CDC42BPA: variants seen among roughly 807,000 people sequenced by gnomAD.
The protein encoded by CDC42BPA is CDC42 binding protein kinase alpha.
A neutral mutation model predicts 223.5 loss-of-function variants in CDC42BPA; 80 were observed. The ratio of observed to expected loss-of-function variants is 0.36; its 90% confidence interval spans 0.30 to 0.43. CDC42BPA has a LOEUF of 0.43. CDC42BPA is among the 20% of genes least tolerant of loss of function. The pLI is 1.00. For missense variants in CDC42BPA, 1,743 were observed against 2,099.9 expected (o/e 0.83, Z 3.32); for synonymous variants, 694 against 718.6 (o/e 0.97, Z 0.55).
intron 34 of CDC42BPA, among the ~76,000 whole-genome samples, chr1:227,006,276 A>C (rs1218368058): frequency 1.3e-5 from 2 of 152,112 alleles, no homozygotes; most frequent in African/African-American, 2.4e-5. Context: ...AATGATGGTA[A>C]TCTTACTAGC....
At chr1:226,999,234 T>A (rs1276520125) in intron 35 of CDC42BPA, among the ~76,000 whole-genome samples, 1 of 151,562 alleles carries the variant, frequency 6.6e-6, no homozygotes, top group Non-Finnish European at 1.5e-5. Context: ...TGGAGTGCAG[T>A]GGCGTGATCT....
intron 32 of CDC42BPA, among the ~76,000 whole-genome samples, chr1:227,018,017 A>G (rs1228614954): frequency 7.4e-6 from 1 of 135,454 alleles, no homozygotes; most frequent in Admixed American, 8.4e-5. Flanking sequence ...CTAACAGTAA[A>G]TATTTTAAAA....
chr1:227,215,710 C>T (rs1190178284), intron 2 of CDC42BPA, among the ~76,000 whole-genome samples: 3 of 152,200 alleles, frequency 2.0e-5, no homozygotes, highest in African/African-American at 7.2e-5. Flanking sequence ...TCACTGCCAA[C>T]TCTACCTCTA....
intron 1 of CDC42BPA, among the ~76,000 whole-genome samples, chr1:227,284,795 T>C (rs1037845997): frequency 6.6e-6 from 1 of 152,000 alleles, no homozygotes; most frequent in African/African-American, 2.4e-5. Context: ...ACCCTGTCTC[T>C]ACCCAAAATA....
At position 227,134,752 on chromosome 1, in the gene CDC42BPA, T is replaced by C. The variant is rs553085023; in HGVS notation, c.1390+4824A>G. ...TATTCATACCAAAAGGCAATGATCT[T>C]ACATTTTTGTTCACTTTGCTCTGTG... On this transcript the variant is annotated intron_variant, in intron 10 of 36. Coordinates refer to ENST00000366766, the MANE Select transcript of CDC42BPA (RefSeq NM_001394014.1). Among the ~76,000 whole-genome samples, 11 of 152,338 alleles carry C rather than the reference T, an allele frequency of 7.2e-5. No individual in the cohort carries two copies. The South Asian group carries it at 2.1e-3, about 29-fold the overall frequency.
At position 227,275,750 on chromosome 1, in the gene CDC42BPA, G is replaced by A. The variant is rs541746283; in HGVS notation, c.179-21595C>T. ...GCCGAGTGCCTGGGATTGCAGGCACGCGCCGCCACGCCTGACTGGTTTTTG... is the reference window on the plus strand; with the variant it reads ...GCCGAGTGCCTGGGATTGCAGGCACACGCCGCCACGCCTGACTGGTTTTTG... On this transcript the variant is annotated intron_variant, in intron 1 of 36. Coordinates refer to ENST00000366766, the MANE Select transcript of CDC42BPA (RefSeq NM_001394014.1). Among the ~76,000 whole-genome samples, 7 of 152,196 alleles carry A rather than the reference G, an allele frequency of 4.6e-5. No individual in the cohort carries two copies. The East Asian group carries it at 7.7e-4, about 17-fold the overall frequency.
intron 30 of CDC42BPA, 64 bp downstream of exon 30, chr1:227,028,593 G>C: frequency 1.8e-6 from 2 of 1,095,744 alleles, no homozygotes; most frequent in Non-Finnish European, 2.6e-6. Context: ...TTTGGGAGAC[G>C]AAGTAGAAGG....
intron 5 of CDC42BPA, among the ~76,000 whole-genome samples, chr1:227,177,305 T>A (rs987012800): frequency 1.3e-5 from 2 of 152,142 alleles, no homozygotes; most frequent in African/African-American, 4.8e-5. Context: ...TTCTTTTGGG[T>A]TACCTTTATC....
chr1:227,102,302 C>T (rs1023781012), intron 14 of CDC42BPA, among the ~76,000 whole-genome samples: 5 of 152,024 alleles, frequency 3.3e-5, no homozygotes, highest in Non-Finnish European at 7.4e-5. Context: ...AACCATTTAT[C>T]GAAAAAATAC....
intron 5 of CDC42BPA, among the ~76,000 whole-genome samples, chr1:227,174,919 G>A (rs900283011): frequency 1.3e-5 from 2 of 152,152 alleles, no homozygotes; most frequent in Non-Finnish European, 2.9e-5. Flanking sequence ...GAAAGCTGGT[G>A]TGCCTCAAGC....
At chr1:227,050,957 C>T (rs1395233460) in intron 22 of CDC42BPA, among the ~76,000 whole-genome samples, 1 of 152,110 alleles carries the variant, frequency 6.6e-6, no homozygotes, top group African/African-American at 2.4e-5. Flanking sequence ...TGTTTATATT[C>T]TCTGAATGCT....
intron 1 of CDC42BPA, among the ~76,000 whole-genome samples, chr1:227,305,876 G>T (rs1406299969): frequency 6.6e-6 from 1 of 152,176 alleles, no homozygotes; most frequent in African/African-American, 2.4e-5. Context: ...TGAGGCGGGA[G>T]AATCACTTGA....
intron 32 of CDC42BPA, among the ~76,000 whole-genome samples, chr1:227,020,174 GT>G (rs1315770269): frequency 6.6e-6 from 1 of 152,196 alleles, no homozygotes; most frequent in East Asian, 1.9e-4. Context: ...GGGATTACAG[GT>G]GTGAGCCACC....
At chr1:227,142,568 T>C (rs10916093) in intron 9 of CDC42BPA, among the ~76,000 whole-genome samples, 108,848 of 151,962 alleles carry the variant, frequency 0.72, 39,200 homozygotes, top group South Asian at 0.86. Context: ...TTCTCATACA[T>C]CTTTTACGAA....
chr1:227,025,499 C>A (rs1222384784), intron 31 of CDC42BPA, among the ~76,000 whole-genome samples: 2 of 152,026 alleles, frequency 1.3e-5, no homozygotes, highest in East Asian at 3.9e-4. Context: ...AACTATTGCT[C>A]TTCATTTTTG....
chr1:227,232,723 C>T (rs971229261), intron 2 of CDC42BPA, among the ~76,000 whole-genome samples: 1 of 152,220 alleles, frequency 6.6e-6, no homozygotes, highest in Non-Finnish European at 1.5e-5. Context: ...GGCTGCAGAA[C>T]AGCAAATATT....
rs577442965 is a variant in CDC42BPA, at chr1:227,084,078, T to C, written c.2356-3061A>G. ...GGTCAGTAAAGTCCTGGTTTCCTTG[T>C]TGTCACTCCAATGACTTCTTACAGA... On this transcript the variant is annotated intron_variant, in intron 16 of 36. Coordinates refer to ENST00000366766, the MANE Select transcript of CDC42BPA (RefSeq NM_001394014.1). 4.0e-5 allele frequency among the ~76,000 whole-genome samples: 6 copies of C among 150,458 alleles called. No homozygotes were observed. The South Asian group carries it at 1.0e-3, about 26-fold the overall frequency.
rs1290067350 is a variant in CDC42BPA at position 227,017,034 on chromosome 1, T to C, written c.4632A>G (p.Val1544=). 1 of 1,612,220 alleles carries C rather than the reference T, an allele frequency of 6.2e-7. No homozygotes were observed. Among genetic ancestry groups the C allele is most frequent in the Non-Finnish European group, 8.5e-7 (1 of 1,179,084 alleles). Residue 1544 remains valine (V), a synonymous_variant, in exon 33 of 37, where the codon GTA becomes GTG. Transcript: ENST00000366766. ...KNKMAEGDEL[V]VPETSDNSRK... Reference sequence around the variant, plus strand: ...GACTATTATCTGATGTTTCAGGTACTACCAGTTCGTCCCCTTCTGTTAAAA... The same window carrying C: ...GACTATTATCTGATGTTTCAGGTACCACCAGTTCGTCCCCTTCTGTTAAAA...
At chr1:227,237,831 G>A (rs1449411555) in intron 2 of CDC42BPA, among the ~76,000 whole-genome samples, 3 of 151,292 alleles carry the variant, frequency 2.0e-5, no homozygotes, top group Admixed American at 1.3e-4. Context: ...ACCTGAGGTC[G>A]GAGTTAGAGA....
Sources: gnomAD v4.1 joint callset for allele counts (sites outside exome capture counted in the v4.1 genomes callset) on GRCh38, gnomAD v4.1.1 for gene constraint, MANE v1.5 for transcripts, NCBI Gene and HGNC (gene_info 2026-07-23, HGNC 2026-07-21) for gene names.